PRPF8: variants seen among roughly 807,000 people sequenced by gnomAD.
PRPF8 encodes the protein pre-mRNA processing factor 8, also known as pre-mRNA-processing-splicing factor 8.
Under a neutral mutation model 285.9 loss-of-function variants are expected in PRPF8, and 64 were observed. The ratio of observed to expected loss-of-function variants is 0.22; its 90% CI spans 0.18 to 0.28. PRPF8 has a LOEUF of 0.28. PRPF8 is among the 10% of genes least tolerant of loss of function. The pLI, the probability that PRPF8 is intolerant of heterozygous loss-of-function variation, is 1.00. For synonymous variants in PRPF8, 1,325 were observed against 1,118.2 expected, an observed-to-expected ratio of 1.18 and a Z score of -3.69; for missense variants, 1,426 against 3,026.7, an observed-to-expected ratio of 0.47 and a Z score of 12.41.
intron 3 of PRPF8, 99 bp from the exon 4 acceptor site, chr17:1,682,392 C>A (rs1912976854): frequency 6.8e-7 from 1 of 1,473,644 alleles, no homozygotes; most frequent in African/African-American, 1.4e-5. Flanking sequence ...ACAGTCCTAC[C>A]TTACAATCCA....
chr17:1,672,802 T>C (rs1439318434), intron 24 of PRPF8: 3 of 547,622 alleles, frequency 5.5e-6, no homozygotes, highest in South Asian at 2.1e-5. Flanking sequence ...AAATAATGCT[T>C]TTCTGTTCAA....
chr17:1,679,917 C>G lies in PRPF8; in HGVS notation c.1099-118G>C, dbSNP rs1374740230. 5.7e-6 allele frequency: 7 copies of G among 1,221,260 alleles called. No homozygotes were observed. Among genetic ancestry groups the G allele is most frequent in the Non-Finnish European group, 1.2e-6 (1 of 826,788 alleles). The allele number at this position is 1,221,260 out of a possible 1,614,324, so 75.7% of individuals were successfully genotyped here. A position where few individuals can be genotyped will look rare whatever the true frequency, so the allele number is the denominator to read the frequency against. ...GTATCTGCTATGGAAACTGGGCTGT[C>G]TGACAAAAGCAGCCCTGAAGTGCCA... is the stretch of plus-strand genomic sequence containing the variant. On this transcript the variant is annotated intron_variant, in intron 8 of 42. Transcript: ENST00000304992. This position sits in a 1 kb window ranked among gnomAD's most constrained non-coding sequence, Gnocchi z 4.7.
intron 24 of PRPF8, among the ~76,000 whole-genome samples, chr17:1,668,930 C>T (rs1263663952): frequency 6.6e-6 from 1 of 152,132 alleles, no homozygotes; most frequent in Admixed American, 6.6e-5. Flanking sequence ...CAACTCTTTC[C>T]CCTAACTGCA....
Position 1,677,606 on chromosome 17 carries a change from A to C in PRPF8, c.1943T>G (p.Leu648Ter). 6.2e-7 allele frequency: 1 copy of C among 1,613,984 alleles called. No homozygotes were observed. The highest frequency in any genetic ancestry group is 2.2e-5 in the East Asian group (1 of 44,874). ...CAGGAGGTTGCCAAGCCATCGCTCTAATAAAGGGGTAATGCCACGCATGAA... is the reference window on the plus strand; with the variant it reads ...CAGGAGGTTGCCAAGCCATCGCTCTCATAAAGGGGTAATGCCACGCATGAA... ...LFFMRGITPL[L>*]ERWLGNLLAR... The change falls in exon 14 of 43, where the codon TTA (leucine) becomes TGA (stop). Residue 648 changes from leucine (L) to a stop codon, truncating the protein, a stop_gained. Coordinates refer to ENST00000304992, the MANE Select transcript of PRPF8 (RefSeq NM_006445.4). LOFTEE classifies it high-confidence loss of function.
In PRPF8 at chr17:1,683,706, A is replaced by G. The variant is rs760717570; in HGVS notation, c.101-5T>C. ...GCAATTGCTGCCATTTTCGAGCTGG[A>G]AAGGCACCTCAGTTTAAAGGCCTGC... On this transcript the variant is annotated splice_region_variant and splice_polypyrimidine_tract_variant and intron_variant, in intron 2 of 42. Transcript: ENST00000304992. The G allele has an allele frequency of 1.2e-6, 2 of 1,613,704 alleles. No individual in the cohort carries two copies. The highest frequency in any genetic ancestry group is 1.7e-6 in the Non-Finnish European group (2 of 1,179,988).
intron 13 of PRPF8, 100 bp from the exon 14 acceptor site, chr17:1,677,794 C>G: frequency 6.8e-7 from 1 of 1,464,528 alleles, no homozygotes; most frequent in Non-Finnish European, 9.5e-7. Flanking sequence ...AATATACATA[C>G]AGAGGAATGT....
intron 24 of PRPF8, among the ~76,000 whole-genome samples, chr17:1,665,392 G>C (rs1245643600): frequency 6.6e-6 from 1 of 151,200 alleles, no homozygotes; most frequent in Non-Finnish European, 1.5e-5. Context: ...CAAAAAATTA[G>C]CTGAGCATGG....
intron 3 of PRPF8, 85 bp downstream of exon 3, chr17:1,683,448 G>A (rs1913049574): frequency 1.4e-6 from 2 of 1,454,682 alleles, no homozygotes; most frequent in African/African-American, 1.4e-5. Flanking sequence ...AAGATGAGCT[G>A]TCAAAGCATC....
Position 1,675,382 on chromosome 17 carries a change from C to G in PRPF8, c.2873-43G>C, listed in dbSNP as rs1038919633. The G allele has an allele frequency of 6.2e-7, 1 of 1,603,478 alleles. No homozygotes were observed. The highest frequency in any genetic ancestry group is 1.3e-5 in the African/African-American group (1 of 74,776). ...AGGTCTCCAGCAGGTTAGAAATCCT[C>G]TTGCAAGACTAGCCCCACAGGAACT... On this transcript the variant is annotated intron_variant, in intron 19 of 42. Transcript: ENST00000304992. The surrounding 1 kb of genome is among the most constrained non-coding windows in gnomAD (Gnocchi z 6.0).
rs193261371 is a variant in PRPF8 at position 1,664,596 on chromosome 17, C to T, written c.3775-2443G>A. Among the ~76,000 whole-genome samples, 760 of 140,378 alleles carry T rather than the reference C, an allele frequency of 5.4e-3. 1 individual carries two copies. The highest frequency in any genetic ancestry group is 7.0e-3 in the Non-Finnish European group (471 of 67,450). The allele number at this position is 140,378 out of a possible 152,430, so 92.1% of individuals were successfully genotyped here. A position where few individuals can be genotyped will look rare whatever the true frequency, so the allele number is the denominator to read the frequency against. On this transcript the variant is annotated intron_variant, in intron 24 of 42. Transcript: ENST00000304992. ...CTGAGGCAGGAGGATCGCTTGCGCC[C>T]AGGAGTTTGGGTCCAACCTAGGCAA...
Position 1,675,837 on chromosome 17 carries a change from C to T in PRPF8, c.2680-25G>A, listed in dbSNP as rs377204605. 1.9e-5 allele frequency: 31 copies of T among 1,614,170 alleles called. No individual in the cohort carries two copies. In the African/African-American group the frequency reaches 3.6e-4, roughly 19 times the overall value. On this transcript the variant is annotated intron_variant, in intron 18 of 42. Coordinates refer to ENST00000304992, the MANE Select transcript of PRPF8 (RefSeq NM_006445.4). The surrounding 1 kb of genome is among the most constrained non-coding windows in gnomAD (Gnocchi z 6.0). Reference sequence around the variant, plus strand: ...CCTGTGGGACAAGGAGGCTGGTTCACACCAATCCACCAACTGCTACCTTTG... The same window carrying T: ...CCTGTGGGACAAGGAGGCTGGTTCATACCAATCCACCAACTGCTACCTTTG...
rs1285066681 is a variant in PRPF8 at position 1,673,956 on chromosome 17, C to G, written c.3300-64G>C. 1.9e-6 allele frequency: 3 copies of G among 1,593,460 alleles called. No homozygotes were observed. The highest frequency in any genetic ancestry group is 4.5e-5 in the East Asian group (2 of 44,848). ...CTGAGATTTGGGACACCCACAAGTC[C>G]TCCAGCTCAATAGACGGAGACCCCA... On this transcript the variant is annotated intron_variant, in intron 21 of 42. Transcript: ENST00000304992. The surrounding 1 kb of genome is among the most constrained non-coding windows in gnomAD (Gnocchi z 5.5).
In PRPF8 at chr17:1,662,265, A is replaced by G. The variant is rs1354837019; in HGVS notation, c.3775-112T>C. 6.6e-6 allele frequency: 8 copies of G among 1,216,924 alleles called. No individual in the cohort carries two copies. The South Asian group carries it at 1.0e-4, about 15-fold the overall frequency. 75.4% of individuals were successfully genotyped at this position (1,216,924 alleles called of 1,614,324 possible). ...ACTACTAAAGAAAGATTTGAGTTCA[A>G]CATCATTAGTCACTAGGGAAATAGA... On this transcript the variant is annotated intron_variant, in intron 24 of 42. Transcript: ENST00000304992.
rs760462310 is a variant in PRPF8 at position 1,679,675 on chromosome 17, G to A, written c.1223C>T (p.Pro408Leu). 1.1e-5 allele frequency: 18 copies of A among 1,614,054 alleles called. No homozygotes were observed. Among genetic ancestry groups the A allele is most frequent in the East Asian group, 4.5e-5 (2 of 44,902 alleles). ...ACCAGAGCGTAGGTTGAAGGGCCGC[G>A]GGGCCCAGAGCAGGGCAATGCCATT... is the stretch of plus-strand genomic sequence containing the variant. ...TANGIALLWA[P>L]RPFNLRSGRT... The change falls in exon 9 of 43, where the codon CCG (proline) becomes CTG (leucine). Residue 408 changes from proline to leucine, a missense_variant. Physicochemically the swap from Pro to Leu is moderately conservative, Grantham distance 98. This residue lies in a region of PRPF8 where 137 missense variants were observed against 161.2 expected (regional missense o/e 0.85). Coordinates refer to ENST00000304992, the MANE Select transcript of PRPF8 (RefSeq NM_006445.4). The surrounding 1 kb of genome is among the most constrained non-coding windows in gnomAD (Gnocchi z 4.7).
In PRPF8 at chr17:1,679,513, A is replaced by G; in HGVS notation, c.1289+96T>C. 3 of 1,592,896 alleles carry G rather than the reference A, an allele frequency of 1.9e-6. No homozygotes were observed. The highest frequency in any genetic ancestry group is 2.6e-6 in the Non-Finnish European group (3 of 1,173,924). On this transcript the variant is annotated intron_variant, in intron 9 of 42. Transcript: ENST00000304992. The surrounding 1 kb of genome is among the most constrained non-coding windows in gnomAD (Gnocchi z 4.7). ...CTACCATTTTTATGGGAAAAAAAAA[A>G]AAAGAATTTAAAAAAAAGGCTACAT...
chr17:1,677,796 G>C lies in PRPF8; in HGVS notation c.1855-102C>G, dbSNP rs116018652. Reference sequence around the variant, plus strand: ...GGCATATATGTATAATATACATACAGAGGAATGTAGGTATGGCAGTAGAGG... The same window carrying C: ...GGCATATATGTATAATATACATACACAGGAATGTAGGTATGGCAGTAGAGG... On this transcript the variant is annotated intron_variant, in intron 13 of 42. Coordinates refer to ENST00000304992, the MANE Select transcript of PRPF8 (RefSeq NM_006445.4). 7 of 1,443,084 alleles carry C rather than the reference G, an allele frequency of 4.9e-6. No individual in the cohort carries two copies. In the Admixed American group the frequency reaches 1.2e-4, roughly 24 times the overall value. 89.4% of individuals were successfully genotyped at this position (1,443,084 alleles called of 1,614,324 possible).
rs368865707 is a variant in PRPF8, at chr17:1,679,658, G to A, written c.1240C>T (p.Arg414Cys). The change falls in exon 9 of 43, where the codon CGC (arginine) becomes TGC (cysteine). Residue 414 changes from arginine (R) to cysteine (C), a missense_variant. By Grantham distance (180) the Arg-to-Cys change is radical. Transcript: ENST00000304992. The surrounding 1 kb of genome is among the most constrained non-coding windows in gnomAD (Gnocchi z 4.7). ...LLWAPRPFNL[R>C]SGRTRRALDI... ...AGGGCCCGACGGGTGCGACCAGAGC[G>A]TAGGTTGAAGGGCCGCGGGGCCCAG... The A allele has an allele frequency of 1.1e-5, 18 of 1,614,028 alleles. No individual in the cohort carries two copies. Among genetic ancestry groups the A allele is most frequent in the African/African-American group, 2.7e-5 (2 of 74,934 alleles).
chr17:1,653,448 C>T lies in PRPF8; in HGVS notation c.6369+94G>A. The T allele has an allele frequency of 6.5e-7, 1 of 1,537,000 alleles. No homozygotes were observed. Among genetic ancestry groups the T allele is most frequent in the Non-Finnish European group, 9.0e-7 (1 of 1,112,332 alleles). On this transcript the variant is annotated intron_variant, in intron 39 of 42. Transcript: ENST00000304992. The surrounding 1 kb of genome is among the most constrained non-coding windows in gnomAD (Gnocchi z 4.9). ...AATTACTCATCCATGAATCTTGAAA[C>T]CAGCATCTCAAGTTCCAGACAATCT... is the stretch of plus-strand genomic sequence containing the variant.
chr17:1,683,848 T>C, intron 2 of PRPF8, 147 bp from the exon 3 acceptor site: 1 of 943,582 alleles, frequency 1.1e-6, no homozygotes, highest in East Asian at 2.6e-5. Flanking sequence ...CCTTACCATT[T>C]TACTCTGTTT....
Sources: gnomAD v4.1 joint callset for allele counts (sites outside exome capture counted in the v4.1 genomes callset) on GRCh38, gnomAD v4.1.1 for gene constraint, gnomAD v4.1.1 regional missense constraint, Gnocchi (gnomAD v3.1) non-coding constraint, MANE v1.5 for transcripts, NCBI Gene and HGNC (gene_info 2026-07-23, HGNC 2026-07-21) for gene names.